The following SYNE1 variants were observed in gnomAD, a reference collection of about 807,000 sequenced individuals.
SYNE1 encodes the protein spectrin repeat containing nuclear envelope protein 1, also known as nesprin-1.
In SYNE1, 616 loss-of-function variants were observed where a neutral mutation model predicts 1,111.0. The observed-to-expected ratio is 0.55, with a 90% CI of 0.52 to 0.59. The LOEUF (loss-of-function observed/expected upper bound fraction) is 0.59. Among genes scored for constraint, SYNE1 ranks in the 20% least tolerant of loss-of-function variants. The pLI is 0.00. For missense variants in SYNE1, 10,006 were observed against 10,417.0 expected, an observed-to-expected ratio of 0.96 and a Z score of 1.72; for synonymous variants, 3,855 against 3,825.8, an observed-to-expected ratio of 1.01 and a Z score of -0.28.
intron 29 of SYNE1, 88 bp from the exon 30 acceptor site, chr6:152,444,666 A>G (rs1428712086): frequency 8.2e-6 from 10 of 1,215,814 alleles, no homozygotes; most frequent in Non-Finnish European, 1.2e-5. Flanking sequence ...TGATTGACAA[A>G]TAAACATTGT....
intron 56 of SYNE1, 39 bp from the exon 57 acceptor site, chr6:152,376,951 A>T: frequency 1.2e-6 from 2 of 1,610,810 alleles, no homozygotes; most frequent in Non-Finnish European, 1.7e-6. Context: ...GAGCACTTAC[A>T]TTGGGTGATC....
rs769772874 is a variant in SYNE1, at chr6:152,472,604, A to G, written c.1351-191T>C. On this transcript the variant is annotated intron_variant, in intron 14 of 145. Transcript: ENST00000367255. ...GGAGCTGGGTGCTTGTACTTAAAAC[A>G]CTATGCTGGAACTGCATCTAATAAT... The G allele has an allele frequency of 4.3e-6, 3 of 704,676 alleles. No homozygotes were observed. The South Asian group carries it at 4.4e-5, about 10-fold the overall frequency. 43.7% of individuals were successfully genotyped at this position (704,676 alleles called of 1,614,324 possible). A position where few individuals can be genotyped will look rare whatever the true frequency, so the allele number is the denominator to read the frequency against.
Position 152,505,211 on chromosome 6 carries a change from T to C in SYNE1, c.768A>G (p.Leu256=), listed in dbSNP as rs547077753. 3 of 1,614,092 alleles carry C rather than the reference T, an allele frequency of 1.9e-6. No individual in the cohort carries two copies. The highest frequency in any genetic ancestry group is 1.3e-5 in the African/African-American group (1 of 75,046). ...GAATATTCAGCCTACCTTCAGGATC[T>C]AGCAGTCTTGGGATCCCCAGTTCTG... ...AETELGIPRL[L]DPEDVDVDKP... Residue 256 remains leucine (L), a synonymous_variant, in exon 9 of 146, where the codon CTA becomes CTG. Coordinates refer to ENST00000367255, the MANE Select transcript of SYNE1 (RefSeq NM_182961.4).
At chr6:152,481,588 G>C (rs1419547239) in intron 14 of SYNE1, 1 of 448,092 alleles carries the variant, frequency 2.2e-6, no homozygotes, top group East Asian at 7.0e-5. Flanking sequence ...GCCAGTTAAG[G>C]TAAAAAAATA....
intron 38 of SYNE1, 68 bp downstream of exon 38, chr6:152,427,620 TTATTA>T (rs2098380890): frequency 6.4e-7 from 1 of 1,552,266 alleles, no homozygotes. Flanking sequence ...TTTATTTATT[TTATTA>T]TTTTAAATAA....
intron 121 of SYNE1, among the ~76,000 whole-genome samples, chr6:152,217,936 C>A (rs1171809230): frequency 6.6e-6 from 1 of 152,056 alleles, no homozygotes; most frequent in African/African-American, 2.4e-5. Context: ...ATTTTGAAAA[C>A]AGGGCTGGGT....
chr6:152,269,060 A>G, intron 99 of SYNE1, 95 bp downstream of exon 99: 2 of 1,578,682 alleles, frequency 1.3e-6, no homozygotes, highest in Non-Finnish European at 1.7e-6. Context: ...CTCTGTCTTT[A>G]GTACAGAAGC....
At chr6:152,519,527 A>C (rs2099128649) in intron 6 of SYNE1, among the ~76,000 whole-genome samples, 2 of 152,238 alleles carry the variant, frequency 1.3e-5, no homozygotes, top group African/African-American at 2.4e-5. Flanking sequence ...ATAAATATAC[A>C]TGTGTCCCTA....
At position 152,413,471 on chromosome 6, in the gene SYNE1, C is replaced by G; in HGVS notation, c.6111G>C (p.Trp2037Cys). The G allele has an allele frequency of 6.2e-7, 1 of 1,614,136 alleles. No individual in the cohort carries two copies. Among genetic ancestry groups the G allele is most frequent in the South Asian group, 1.1e-5 (1 of 91,084 alleles). ...CAATTTGCTTGGCTTTGTCTTTCAA[C>G]CAACATAGTTCATGCTCGTGAGAAT... The part of the protein sequence containing the change: ...ELNSHEHELC[W>C]LKDKAKQIAQ... Residue 2037 changes from tryptophan to cysteine, a missense_variant, in exon 42 of 146, where the codon TGG (tryptophan) becomes TGC (cysteine). By Grantham distance (215) the Trp-to-Cys change is radical. Transcript: ENST00000367255.
chr6:152,456,275 T>C (rs1000117823), intron 22 of SYNE1, among the ~76,000 whole-genome samples: 20 of 152,256 alleles, frequency 1.3e-4, no homozygotes, highest in African/African-American at 4.8e-4. Flanking sequence ...AAAGAGTTTT[T>C]TTTTTTGAGA....
chr6:152,433,274 A>G lies in SYNE1; in HGVS notation c.4461+521T>C, dbSNP rs1245582603. 3.3e-5 allele frequency among the ~76,000 whole-genome samples: 5 copies of G among 152,148 alleles called. No individual in the cohort carries two copies. The East Asian group carries it at 9.6e-4, about 29-fold the overall frequency. ...GGTCATTTTAGAGCTGGGAGAGGTA[A>G]GGAATCAGAGGACCTCTGTCCATGC... On this transcript the variant is annotated intron_variant, in intron 34 of 145. Coordinates refer to ENST00000367255, the MANE Select transcript of SYNE1 (RefSeq NM_182961.4).
At chr6:152,515,331 T>C (rs2099106269) in intron 6 of SYNE1, among the ~76,000 whole-genome samples, 3 of 152,188 alleles carry the variant, frequency 2.0e-5, no homozygotes, top group Admixed American at 2.0e-4. Flanking sequence ...TCTTCATAAA[T>C]TTGAAAACTT....
intron 123 of SYNE1, among the ~76,000 whole-genome samples, chr6:152,212,770 T>A (rs1490857502): frequency 6.6e-6 from 1 of 152,214 alleles, no homozygotes; most frequent in Non-Finnish European, 1.5e-5. Context: ...GGGTTCCAAT[T>A]CCTTTACACC....
At chr6:152,596,098 T>TAAAAAAAAAAA (rs71017542) in intron 3 of SYNE1, among the ~76,000 whole-genome samples, 1 of 18,584 alleles carries the variant, frequency 5.4e-5, no homozygotes, top group Admixed American at 9.7e-4. Context: ...AAGGGCAATC[T>TAAAAAAAAAAA]AAAAAAAAAA....
intron 112 of SYNE1, among the ~76,000 whole-genome samples, chr6:152,233,365 T>C (rs2083229828): frequency 6.6e-6 from 1 of 151,782 alleles, no homozygotes; most frequent in African/African-American, 2.4e-5. Flanking sequence ...AGTCTCACTG[T>C]CACCCAGGCT....
intron 123 of SYNE1, among the ~76,000 whole-genome samples, 200 bp downstream of exon 123, chr6:152,213,412 C>T (rs1444692695): frequency 6.6e-6 from 1 of 152,120 alleles, no homozygotes; most frequent in Non-Finnish European, 1.5e-5. Flanking sequence ...TGCTTATAAA[C>T]AATCATGGAG....
chr6:152,517,602 T>A (rs2099118423), intron 6 of SYNE1, among the ~76,000 whole-genome samples: 2 of 152,094 alleles, frequency 1.3e-5, no homozygotes, highest in African/African-American at 2.4e-5. Context: ...CATAAGAGAG[T>A]GGTTGAATAA....
intron 14 of SYNE1, chr6:152,480,660 C>A: frequency 4.8e-6 from 2 of 415,118 alleles, no homozygotes; most frequent in South Asian, 3.6e-5. Context: ...AGTACCCATG[C>A]CCAGGCCTAG....
intron 64 of SYNE1, among the ~76,000 whole-genome samples, chr6:152,360,864 T>C (rs2096919523): frequency 6.6e-6 from 1 of 152,214 alleles, no homozygotes; most frequent in Admixed American, 6.5e-5. Flanking sequence ...TTTAGTCATT[T>C]AAATAACTTT....
Sources: gnomAD v4.1 joint callset for allele counts (sites outside exome capture counted in the v4.1 genomes callset) on GRCh38, gnomAD v4.1.1 for gene constraint, MANE v1.5 for transcripts, NCBI Gene and HGNC (gene_info 2026-07-23, HGNC 2026-07-21) for gene names.